The following TMPRSS11D variants were observed in gnomAD, a reference collection of about 807,000 sequenced individuals.
The protein encoded by TMPRSS11D is transmembrane serine protease 11D.
TMPRSS11D carries 32 observed loss-of-function variants against 44.4 expected under a neutral mutation model. The ratio of observed to expected loss-of-function variants is 0.72; its 90% CI spans 0.54 to 0.97. The LOEUF is 0.97. Among genes scored for constraint, TMPRSS11D ranks in the 50% least tolerant of loss-of-function variants. The pLI is 0.00. For missense variants in TMPRSS11D, 446 were observed against 502.6 expected, an observed-to-expected ratio of 0.89 and a Z score of 1.08; for synonymous variants, 179 against 177.9, an observed-to-expected ratio of 1.01 and a Z score of -0.05.
At chr4:67,855,721 A>G (rs1718620459) in intron 2 of TMPRSS11D, among the ~76,000 whole-genome samples, 1 of 152,160 alleles carries the variant, frequency 6.6e-6, no homozygotes. Context: ...AAATAAATAA[A>G]AATGCATTCA....
In TMPRSS11D at chr4:67,833,231, AT is replaced by A; in HGVS notation, c.664del (p.Ile222SerfsTer2). 1 of 1,549,458 alleles carries A rather than the reference AT, an allele frequency of 6.5e-7. No homozygotes were observed. Among genetic ancestry groups the A allele is most frequent in the Non-Finnish European group, 8.7e-7 (1 of 1,149,686 alleles). ...CGGSLINNMW[I>X]LTAAHCFRSN... ...TCTGAAGCAGTGAGCTGCTGTCAGG[AT>A]CCACATGTTATTGATCAGGCTGCCT... is the stretch of plus-strand genomic sequence containing the variant. On this transcript the variant is annotated frameshift_variant, in exon 7 of 10. Coordinates refer to ENST00000283916, the MANE Select transcript of TMPRSS11D (RefSeq NM_004262.3). LOFTEE classifies it high-confidence loss of function.
intron 7 of TMPRSS11D, among the ~76,000 whole-genome samples, chr4:67,830,809 C>G (rs1717926012): frequency 1.3e-5 from 2 of 152,074 alleles, no homozygotes; most frequent in South Asian, 4.1e-4. Context: ...TAAATCTTGG[C>G]TATGCCACAT....
At chr4:67,863,645 A>G (rs1297875835) in intron 1 of TMPRSS11D, among the ~76,000 whole-genome samples, 1 of 152,152 alleles carries the variant, frequency 6.6e-6, no homozygotes. Context: ...GACTAGAGCT[A>G]GGAGATGTGG....
At chr4:67,865,300 T>G (rs571071262) in intron 1 of TMPRSS11D, among the ~76,000 whole-genome samples, 1 of 151,698 alleles carries the variant, frequency 6.6e-6, no homozygotes, top group East Asian at 1.9e-4. Context: ...AGAGGGGATT[T>G]AAAAAAATTT....
chr4:67,825,952 A>G lies in TMPRSS11D; in HGVS notation c.953-78T>C, dbSNP rs1717782867. The G allele has an allele frequency of 2.2e-6, 3 of 1,393,450 alleles. No individual in the cohort carries two copies. In the East Asian group the frequency reaches 7.1e-5, roughly 33 times the overall value. The allele number at this position is 1,393,450 out of a possible 1,614,324, so 86.3% of individuals were successfully genotyped here. A position where few individuals can be genotyped will look rare whatever the true frequency, so the allele number is the denominator to read the frequency against. ...GACCCTATAATAAATTTGAGAAGAA[A>G]TAAATGTACTCCAAACATTATTTCA... On this transcript the variant is annotated intron_variant, in intron 8 of 9. Transcript: ENST00000283916.
intron 1 of TMPRSS11D, among the ~76,000 whole-genome samples, chr4:67,863,232 CA>C (rs1718835556): frequency 6.7e-6 from 1 of 148,232 alleles, no homozygotes; most frequent in Admixed American, 6.8e-5. Context: ...GATATACATG[CA>C]ATAGCTGTTG....
chr4:67,822,525 C>A, intron 9 of TMPRSS11D, 27 bp from the exon 10 acceptor site: 3 of 1,613,062 alleles, frequency 1.9e-6, no homozygotes, highest in Non-Finnish European at 2.5e-6. Context: ...TGACTGATTA[C>A]TTAAGTGCAA....
chr4:67,836,918 C>G (rs1474235479), intron 5 of TMPRSS11D, among the ~76,000 whole-genome samples: 1 of 152,038 alleles, frequency 6.6e-6, no homozygotes, highest in Non-Finnish European at 1.5e-5. Flanking sequence ...TAAATCCTAC[C>G]CATATTTCAA....
At chr4:67,883,263 C>T (rs1719365099) in intron 1 of TMPRSS11D, among the ~76,000 whole-genome samples, 1 of 151,800 alleles carries the variant, frequency 6.6e-6, no homozygotes, top group South Asian at 2.1e-4. Context: ...ATAAACATAC[C>T]AAGTTACATA....
chr4:67,857,801 C>T (rs1718691538), intron 2 of TMPRSS11D, among the ~76,000 whole-genome samples: 1 of 151,956 alleles, frequency 6.6e-6, no homozygotes, highest in South Asian at 2.1e-4. Context: ...TGTTTAATAG[C>T]AGAGCAGAGT....
intron 1 of TMPRSS11D, among the ~76,000 whole-genome samples, chr4:67,883,183 C>T (rs1719362885): frequency 6.6e-6 from 1 of 151,986 alleles, no homozygotes; most frequent in East Asian, 1.9e-4. Context: ...TTCAGCATGA[C>T]TTATCAGTAT....
intron 1 of TMPRSS11D, among the ~76,000 whole-genome samples, chr4:67,879,504 C>T (rs1180715788): frequency 6.9e-6 from 1 of 144,712 alleles, no homozygotes; most frequent in Admixed American, 6.9e-5. Context: ...AGCACTTAAA[C>T]TCTGGGGACA....
At chr4:67,838,411 C>A (rs961964861) in intron 4 of TMPRSS11D, 82 bp from the exon 5 acceptor site, 14 of 1,303,018 alleles carry the variant, frequency 1.1e-5, no homozygotes, top group Admixed American at 3.2e-5. Flanking sequence ...CTTGATTAAA[C>A]CCTTTTAAAG....
intron 1 of TMPRSS11D, among the ~76,000 whole-genome samples, chr4:67,883,028 T>C (rs183395889): frequency 2.8e-4 from 43 of 151,926 alleles, no homozygotes; most frequent in African/African-American, 1.0e-3. Flanking sequence ...CATATATATA[T>C]ATTCAAGTGC....
At chr4:67,859,994 G>T (rs1033373963) in intron 1 of TMPRSS11D, among the ~76,000 whole-genome samples, 16 of 151,974 alleles carry the variant, frequency 1.1e-4, no homozygotes, top group African/African-American at 3.6e-4. Context: ...ACAAATCATT[G>T]TCAGTTCTAC....
chr4:67,866,796 A>C (rs1484715174), intron 1 of TMPRSS11D, among the ~76,000 whole-genome samples: 2 of 152,096 alleles, frequency 1.3e-5, no homozygotes, highest in Non-Finnish European at 2.9e-5. Flanking sequence ...AGATCTCTAC[A>C]AGGAAAATTA....
chr4:67,839,847 A>C (rs929080538), intron 4 of TMPRSS11D, among the ~76,000 whole-genome samples: 3 of 151,290 alleles, frequency 2.0e-5, no homozygotes, highest in Non-Finnish European at 2.9e-5. Flanking sequence ...TATTATTATT[A>C]TACTTTAAGT....
chr4:67,870,342 C>T (rs1290929656), intron 1 of TMPRSS11D, among the ~76,000 whole-genome samples: 1 of 152,184 alleles, frequency 6.6e-6, no homozygotes, highest in Non-Finnish European at 1.5e-5. Flanking sequence ...GACATCCTGG[C>T]CTCTCTGCCG....
At chr4:67,835,521 A>G (rs1324066381) in intron 5 of TMPRSS11D, among the ~76,000 whole-genome samples, 3 of 152,170 alleles carry the variant, frequency 2.0e-5, no homozygotes, top group Non-Finnish European at 4.4e-5. Flanking sequence ...ATATATGTAT[A>G]TTACTCTAAT....
Sources: allele counts gnomAD v4.1 joint callset (sites outside exome capture counted in the v4.1 genomes callset), GRCh38; gene constraint gnomAD v4.1.1; transcripts MANE v1.5; gene names NCBI Gene and HGNC (gene_info 2026-07-23, HGNC 2026-07-21).